OPCML: variants seen among roughly 807,000 people sequenced by gnomAD.
The protein encoded by OPCML is opioid-binding protein/cell adhesion molecule.
A neutral mutation model predicts 37.8 loss-of-function variants in OPCML; 13 were observed. The ratio of observed to expected loss-of-function variants is 0.34; its 90% CI spans 0.22 to 0.55. The LOEUF (loss-of-function observed/expected upper bound fraction) is 0.55, where lower values mean the gene tolerates loss of function less well. OPCML is among the 20% of genes least tolerant of loss of function. The pLI is 0.91. For missense variants in OPCML, 341 were observed against 435.6 expected, an observed-to-expected ratio of 0.78 and a Z score of 1.93; for synonymous variants, 176 against 168.8, an observed-to-expected ratio of 1.04 and a Z score of -0.33.
intron 1 of OPCML, among the ~76,000 whole-genome samples, chr11:132,954,432 T>G (rs1428559304): frequency 1.3e-5 from 2 of 151,354 alleles, no homozygotes; most frequent in Non-Finnish European, 2.9e-5. Flanking sequence ...TAAGTGAACT[T>G]TTTTAAAGAC....
chr11:132,773,204 G>A (rs1197855755), intron 2 of OPCML: 1 of 152,134 alleles, frequency 6.6e-6, no homozygotes, highest in African/African-American at 2.4e-5. Flanking sequence ...ACTCAGCAGT[G>A]CTGAGATAGA....
At chr11:133,106,003 A>AAG (rs1949152238) in intron 1 of OPCML, among the ~76,000 whole-genome samples, 1 of 151,696 alleles carries the variant, frequency 6.6e-6, no homozygotes, top group African/African-American at 2.4e-5. Flanking sequence ...AAAAAAGAAA[A>AAG]AAAGAATACT....
intron 1 of OPCML, among the ~76,000 whole-genome samples, chr11:133,349,676 T>C (rs892061398): frequency 1.3e-5 from 2 of 152,196 alleles, no homozygotes; most frequent in Non-Finnish European, 2.9e-5. Flanking sequence ...ATAGACTTTG[T>C]TCTGTCTGTG....
chr11:132,561,686 T>C (rs2096411068), intron 3 of OPCML, among the ~76,000 whole-genome samples: 1 of 152,254 alleles, frequency 6.6e-6, no homozygotes, highest in African/African-American at 2.4e-5. Flanking sequence ...ATTCATGTCA[T>C]ACTTAATCAT....
At chr11:132,702,664 T>A (rs888358617) in intron 2 of OPCML, among the ~76,000 whole-genome samples, 5 of 152,182 alleles carry the variant, frequency 3.3e-5, no homozygotes, top group Admixed American at 3.3e-4. Context: ...CCCCTTTCTC[T>A]TTCTTTGCTC....
intron 2 of OPCML, among the ~76,000 whole-genome samples, chr11:132,827,193 A>G (rs1940400310): frequency 6.6e-6 from 1 of 152,216 alleles, no homozygotes; most frequent in African/African-American, 2.4e-5. Flanking sequence ...CTCATAACAG[A>G]TACAAAAACT....
At chr11:133,272,551 C>T (rs571090985) in intron 1 of OPCML, among the ~76,000 whole-genome samples, 58 of 152,226 alleles carry the variant, frequency 3.8e-4, no homozygotes, top group Non-Finnish European at 6.8e-4. Context: ...CTTCTGGCCA[C>T]GTGAAAGCCA....
At chr11:132,556,689 G>T (rs2096396410) in intron 3 of OPCML, among the ~76,000 whole-genome samples, 1 of 152,146 alleles carries the variant, frequency 6.6e-6, no homozygotes, top group Admixed American at 6.5e-5. Context: ...CAGAGAGGCT[G>T]CCACTTTCTC....
intron 1 of OPCML, among the ~76,000 whole-genome samples, chr11:132,958,356 A>T (rs1268658245): frequency 6.6e-6 from 1 of 152,262 alleles, no homozygotes; most frequent in African/African-American, 2.4e-5. Flanking sequence ...AGGTTAGTTG[A>T]TGAGGTTTAA....
At chr11:132,704,591 T>C (rs1943958363) in intron 2 of OPCML, among the ~76,000 whole-genome samples, 1 of 152,202 alleles carries the variant, frequency 6.6e-6, no homozygotes, top group Admixed American at 6.5e-5. Context: ...ATACATTTAG[T>C]TTCTCAGCAA....
intron 1 of OPCML, among the ~76,000 whole-genome samples, chr11:133,199,857 T>C (rs1938694310): frequency 1.3e-5 from 2 of 152,182 alleles, no homozygotes; most frequent in African/African-American, 4.8e-5. Context: ...CTGTTTCTTA[T>C]TTATCATTAA....
intron 2 of OPCML, among the ~76,000 whole-genome samples, chr11:132,828,746 A>C (rs1055826299): frequency 7.9e-5 from 12 of 152,216 alleles, no homozygotes; most frequent in African/African-American, 2.7e-4. Context: ...AAAGAAAGCC[A>C]GTGCTGATAC....
At chr11:132,579,175 C>T (rs2096457084) in intron 3 of OPCML, among the ~76,000 whole-genome samples, 1 of 152,134 alleles carries the variant, frequency 6.6e-6, no homozygotes, top group South Asian at 2.1e-4. Flanking sequence ...TGGGTGCTAG[C>T]AAAGTCTCCA....
chr11:133,473,620 G>C, intron 1 of OPCML, among the ~76,000 whole-genome samples: 1 of 152,098 alleles, frequency 6.6e-6, no homozygotes, highest in East Asian at 1.9e-4. Flanking sequence ...GCCGTCTTGA[G>C]ATCTCTATGC....
chr11:133,004,210 G>T (rs1356571626), intron 1 of OPCML: 1 of 985,328 alleles, frequency 1.0e-6, no homozygotes, highest in Admixed American at 6.1e-5. Context: ...TGCCTTGCCT[G>T]AGAGTCACTT....
At chr11:133,518,200 T>C (rs1398739103) in intron 1 of OPCML, among the ~76,000 whole-genome samples, 1 of 151,874 alleles carries the variant, frequency 6.6e-6, no homozygotes, top group Non-Finnish European at 1.5e-5. Flanking sequence ...GTAATGTGTA[T>C]GGAAGCGTGT....
rs1261128432 is a variant in OPCML, at chr11:132,420,175, A to G, written c.*18T>C. 1.2e-6 allele frequency: 2 copies of G among 1,611,748 alleles called. No individual in the cohort carries two copies. Among genetic ancestry groups the G allele is most frequent in the Non-Finnish European group, 1.7e-6 (2 of 1,177,874 alleles). On this transcript the variant is annotated 3_prime_UTR_variant, in exon 8 of 8. Coordinates refer to ENST00000524381, the MANE Select transcript of OPCML (RefSeq NM_001012393.5). ...ATATGGAGAAGCAGGCGTTGCTCAG[A>G]GGACCTAGGATTTCTTATCAAAACT...
At chr11:133,378,736 T>C (rs1215999743) in intron 1 of OPCML, among the ~76,000 whole-genome samples, 1 of 151,678 alleles carries the variant, frequency 6.6e-6, no homozygotes, top group East Asian at 1.9e-4. Context: ...TTGTCTTTTT[T>C]TGTTTTGTTT....
intron 1 of OPCML, among the ~76,000 whole-genome samples, chr11:133,063,692 G>C (rs1420329382): frequency 1.3e-5 from 2 of 152,054 alleles, no homozygotes; most frequent in African/African-American, 4.8e-5. Context: ...CTCCTGAGTA[G>C]CTGGGATTAC....
Sources: allele counts gnomAD v4.1 joint callset (sites outside exome capture counted in the v4.1 genomes callset), GRCh38; gene constraint gnomAD v4.1.1; transcripts MANE v1.5; gene names NCBI Gene and HGNC (gene_info 2026-07-23, HGNC 2026-07-21).